CNPY2: variants seen among roughly 807,000 people sequenced by gnomAD.
CNPY2 encodes the protein canopy FGF signaling regulator 2.
In CNPY2, 19 loss-of-function variants were observed where a neutral mutation model predicts 25.5. The observed-to-expected ratio is 0.74, with a 90% CI of 0.52 to 1.09. The LOEUF is 1.09. Ranked by LOEUF, CNPY2 falls within the 50% of genes least tolerant of loss-of-function variation. CNPY2 has a pLI of 0.00. For missense variants in CNPY2, 214 were observed against 233.6 expected, an observed-to-expected ratio of 0.92 and a Z score of 0.55; for synonymous variants, 82 against 85.0, an observed-to-expected ratio of 0.96 and a Z score of 0.19.
intron 1 of CNPY2, 66 bp from the exon 2 acceptor site, chr12:56,315,308 A>C: frequency 8.9e-6 from 8 of 895,756 alleles, no homozygotes; most frequent in Non-Finnish European, 1.0e-5. Flanking sequence ...GACCCCCCCA[A>C]TCCTCACCCC....
chr12:56,315,240 C>T lies in CNPY2; in HGVS notation c.-23G>A. On this transcript the variant is annotated splice_region_variant and 5_prime_UTR_variant, in exon 2 of 6. Coordinates refer to ENST00000273308, the MANE Select transcript of CNPY2 (RefSeq NM_014255.7). ...CATCTTTAGCGTAATGGGGTCGCTC[C>T]ACCTGGGTTTGAGTGGGAATAAAAC... 1 of 1,595,448 alleles carries T rather than the reference C, an allele frequency of 6.3e-7. No homozygotes were observed. Among genetic ancestry groups the T allele is most frequent in the Non-Finnish European group, 8.6e-7 (1 of 1,164,198 alleles).
chr12:56,315,695 C>G (rs777436219), intron 1 of CNPY2, 126 bp downstream of exon 1: 15 of 167,848 alleles, frequency 8.9e-5, no homozygotes, highest in Non-Finnish European at 1.8e-4. Flanking sequence ...TGCGTCCCCA[C>G]CTCCAGCCCG....
intron 3 of CNPY2, among the ~76,000 whole-genome samples, chr12:56,314,002 A>G (rs1407498357): frequency 2.1e-5 from 3 of 141,834 alleles, no homozygotes; most frequent in African/African-American, 8.0e-5. Flanking sequence ...CCTGGGTTCA[A>G]GTGATTCTCC....
chr12:56,311,033 A>G lies in CNPY2; in HGVS notation c.430T>C (p.Tyr144His). ...AAGAATTCAATGAGTTCATCCTCGT[A>G]TTCCTCCACAATGCTCTCACACTGC... Reference protein sequence around the residue: ...KFACESIVEEYEDELIEFFSR... With the variant: ...KFACESIVEEHEDELIEFFSR... Residue 144 changes from tyrosine (Y) to histidine (H), a missense_variant, in exon 5 of 6, where the codon TAC (tyrosine) becomes CAC (histidine). Tyr to His is a moderately conservative substitution (Grantham distance 83, BLOSUM62 2). Coordinates refer to ENST00000273308, the MANE Select transcript of CNPY2 (RefSeq NM_014255.7). 3 of 1,614,160 alleles carry G rather than the reference A, an allele frequency of 1.9e-6. No individual in the cohort carries two copies. The highest frequency in any genetic ancestry group is 2.5e-6 in the Non-Finnish European group (3 of 1,180,028).
chr12:56,310,370 A>G lies in CNPY2; in HGVS notation c.*182T>C, dbSNP rs1417661092. On this transcript the variant is annotated 3_prime_UTR_variant, in exon 6 of 6. Transcript: ENST00000273308. Reference sequence around the variant, plus strand: ...CCTCCATTATCTTTCCTGTCTATATAACTCCTTATCTTCAAGCTTAATGTA... The same window carrying G: ...CCTCCATTATCTTTCCTGTCTATATGACTCCTTATCTTCAAGCTTAATGTA... 14 of 638,194 alleles carry G rather than the reference A, an allele frequency of 2.2e-5. No homozygotes were observed. Among genetic ancestry groups the G allele is most frequent in the Non-Finnish European group, 5.5e-6 (2 of 361,420 alleles). The allele number at this position is 638,194 out of a possible 1,614,324, so 39.5% of individuals were successfully genotyped here.
intron 3 of CNPY2, 160 bp downstream of exon 3, chr12:56,314,691 A>T: frequency 6.8e-7 from 1 of 1,480,254 alleles, no homozygotes; most frequent in Non-Finnish European, 8.9e-7. Flanking sequence ...AAGCAAGTGC[A>T]TGGGGAATAA....
At chr12:56,311,562 GT>G (rs1565627909) in intron 3 of CNPY2, 148 bp from the exon 4 acceptor site, 1 of 879,664 alleles carries the variant, frequency 1.1e-6, no homozygotes, top group Non-Finnish European at 1.8e-6. Flanking sequence ...TTGTTTGTTT[GT>G]TTTTTGAGAT....
At position 56,312,222 on chromosome 12, in the gene CNPY2, C is replaced by CTTTTTTTTT. The variant is rs56822059; in HGVS notation, c.205-817_205-809dup. On this transcript the variant is annotated intron_variant, in intron 3 of 5. Transcript: ENST00000273308. Reference sequence around the variant, plus strand: ...TTTACTTGATAGTTTCAAAGTACTTCTTTTTTTTTTTTTTTTTTTTTTTTT... The same window carrying CTTTTTTTTT: ...TTTACTTGATAGTTTCAAAGTACTTCTTTTTTTTTTTTTTTTTTTTTTTTTTTTTTTTTT... Among the ~76,000 whole-genome samples the CTTTTTTTTT allele has an allele frequency of 6.3e-3, 855 of 135,490 alleles. 30 individuals carry two copies. The highest frequency in any genetic ancestry group is 9.3e-3 in the Non-Finnish European group (602 of 64,810). 88.9% of individuals were successfully genotyped at this position (135,490 alleles called of 152,430 possible).
intron 3 of CNPY2, chr12:56,314,600 G>A: frequency 7.3e-7 from 1 of 1,361,142 alleles, no homozygotes; most frequent in East Asian, 3.0e-5. Context: ...TCATGTGGAT[G>A]TGGAGAAGGG....
At position 56,310,445 on chromosome 12, in the gene CNPY2, A is replaced by C; in HGVS notation, c.*107T>G. On this transcript the variant is annotated 3_prime_UTR_variant, in exon 6 of 6. Coordinates refer to ENST00000273308, the MANE Select transcript of CNPY2 (RefSeq NM_014255.7). ...CAACACAGTTTGTACTTTTGGTTTC[A>C]TATTTTTTCAGTTAATTTCAGTAAA... 2 of 1,179,078 alleles carry C rather than the reference A, an allele frequency of 1.7e-6. No individual in the cohort carries two copies. The highest frequency in any genetic ancestry group is 2.5e-5 in the South Asian group (2 of 78,882). 73.0% of individuals were successfully genotyped at this position (1,179,078 alleles called of 1,614,324 possible). A position where few individuals can be genotyped will look rare whatever the true frequency, so the allele number is the denominator to read the frequency against.
intron 3 of CNPY2, among the ~76,000 whole-genome samples, chr12:56,313,666 C>T (rs2135936657): frequency 6.7e-6 from 1 of 149,588 alleles, no homozygotes; most frequent in East Asian, 2.0e-4. Context: ...AGTGCAGTGG[C>T]ACCATCTCAG....
chr12:56,311,208 C>T lies in CNPY2; in HGVS notation c.408+3G>A, dbSNP rs774909855. 6.2e-7 allele frequency: 1 copy of T among 1,613,968 alleles called. No individual in the cohort carries two copies. The highest frequency in any genetic ancestry group is 8.5e-7 in the Non-Finnish European group (1 of 1,179,864). Reference sequence around the variant, plus strand: ...GAACCAGCTACCGATTCCCATAGCTCACCGCAAACTTGAGGGTGCCGCTAA... The same window carrying T: ...GAACCAGCTACCGATTCCCATAGCTTACCGCAAACTTGAGGGTGCCGCTAA... On this transcript the variant is annotated splice_donor_region_variant and intron_variant, in intron 4 of 5. Coordinates refer to ENST00000273308, the MANE Select transcript of CNPY2 (RefSeq NM_014255.7).
In CNPY2 at chr12:56,311,351, T is replaced by C. The variant is rs1337475818; in HGVS notation, c.268A>G (p.Lys90Glu). 4 of 1,614,074 alleles carry C rather than the reference T, an allele frequency of 2.5e-6. No individual in the cohort carries two copies. In the Admixed American group the frequency reaches 5.0e-5, roughly 20 times the overall value. The change falls in exon 4 of 6, where the codon AAG (lysine) becomes GAG (glutamate). Residue 90 changes from lysine (K) to glutamate (E), a missense_variant. Lys to Glu is a moderately conservative substitution (Grantham distance 56, BLOSUM62 1). Coordinates refer to ENST00000273308, the MANE Select transcript of CNPY2 (RefSeq NM_014255.7). Reference sequence around the variant, plus strand: ...GGATCAATCTGTTCCCCATACTCCTTCATCCGGTCACATATCTCCTCCAGC... The same window carrying C: ...GGATCAATCTGTTCCCCATACTCCTCCATCCGGTCACATATCTCCTCCAGC... The part of the protein sequence containing the change: ...ELLEEICDRM[K>E]EYGEQIDPST...
intron 3 of CNPY2, chr12:56,314,533 G>T: frequency 4.3e-6 from 5 of 1,150,740 alleles, no homozygotes; most frequent in East Asian, 5.1e-5. Flanking sequence ...TTTTAGCTCC[G>T]ACTCAGATTT....
At chr12:56,314,827 G>C in intron 3 of CNPY2, 24 bp downstream of exon 3, 1 of 1,614,180 alleles carries the variant, frequency 6.2e-7, no homozygotes, top group African/African-American at 1.3e-5. Context: ...GAGCTACTTT[G>C]TTTGGGGGAA....
chr12:56,313,699 G>A (rs1050643227), intron 3 of CNPY2, among the ~76,000 whole-genome samples: 2 of 150,310 alleles, frequency 1.3e-5, no homozygotes, highest in South Asian at 2.1e-4. Context: ...TCTGCCTCCC[G>A]AGTTCACGCC....
At chr12:56,312,031 CA>C (rs1201081546) in intron 3 of CNPY2, 1 of 153,120 alleles carries the variant, frequency 6.5e-6, no homozygotes, top group African/African-American at 2.4e-5. Flanking sequence ...AGGCGCCCAC[CA>C]CCACGCCCAG....
At chr12:56,314,024 C>A (rs1447111143) in intron 3 of CNPY2, among the ~76,000 whole-genome samples, 1 of 151,588 alleles carries the variant, frequency 6.6e-6, no homozygotes, top group African/African-American at 2.4e-5. Flanking sequence ...GCCTCAGCCT[C>A]CTGAGTAGCT....
chr12:56,315,167 GGTTCC>G lies in CNPY2; in HGVS notation c.46_50del (p.Gly16ArgfsTer20), dbSNP rs1873865063. On this transcript the variant is annotated frameshift_variant, in exon 2 of 6. Coordinates refer to ENST00000273308, the MANE Select transcript of CNPY2 (RefSeq NM_014255.7). LOFTEE classifies it high-confidence loss of function. ...GATCCTGGCTCCTCCGAGCCCAGGC[GGTTCC>G]CAGCAGGGCCCCCAGAAGCAGGGCC... is the stretch of plus-strand genomic sequence containing the variant. The G allele has an allele frequency of 6.2e-7, 1 of 1,614,046 alleles. No homozygotes were observed. Among genetic ancestry groups the G allele is most frequent in the Non-Finnish European group, 8.5e-7 (1 of 1,179,970 alleles).
Sources: gnomAD v4.1 joint callset for allele counts (sites outside exome capture counted in the v4.1 genomes callset) on GRCh38, gnomAD v4.1.1 for gene constraint, MANE v1.5 for transcripts, NCBI Gene and HGNC (gene_info 2026-07-23, HGNC 2026-07-21) for gene names.